Variants in RFX8 observed in about 807,000 individuals in gnomAD.
RFX8 encodes the protein DNA-binding protein RFX8.
In RFX8, 46 loss-of-function variants were observed where a neutral mutation model predicts 54.6. The ratio of observed to expected loss-of-function variants is 0.84; its 90% CI spans 0.67 to 1.08. The LOEUF (loss-of-function observed/expected upper bound fraction) is 1.08. RFX8 is among the 50% of genes least tolerant of loss of function. The pLI is 0.00. For synonymous variants in RFX8, 192 were observed against 209.5 expected (o/e 0.92, Z 0.72); for missense variants, 536 against 562.3 (o/e 0.95, Z 0.47).
chr2:101,407,876 C>T (rs562647444), intron 9 of RFX8, among the ~76,000 whole-genome samples: 2 of 152,288 alleles, frequency 1.3e-5, no homozygotes, highest in East Asian at 1.9e-4. Context: ...CTCCAGGGCC[C>T]GAACTGCCCT....
intron 2 of RFX8, among the ~76,000 whole-genome samples, chr2:101,455,574 T>C (rs994938210): frequency 3.8e-4 from 58 of 152,342 alleles, no homozygotes; most frequent in Non-Finnish European, 7.5e-4. Flanking sequence ...CATTGGTCTA[T>C]ATCTCTGTTT....
At chr2:101,466,958 A>G in intron 1 of RFX8, 58 bp from the exon 2 acceptor site, 1 of 751,056 alleles carries the variant, frequency 1.3e-6, no homozygotes, top group South Asian at 1.5e-5. Context: ...AGAGCAAAAT[A>G]TTTTGACAAA....
chr2:101,410,893 C>CG (rs1305793789), intron 8 of RFX8, among the ~76,000 whole-genome samples, 180 bp from the exon 9 acceptor site: 2 of 152,198 alleles, frequency 1.3e-5, no homozygotes, highest in Non-Finnish European at 2.9e-5. Context: ...GTCACTTCTG[C>CG]GGTCATCTAT....
rs184526158 is a variant in RFX8 at position 101,400,830 on chromosome 2, C to T, written c.1245+1606G>A. ...GAATGCTCCAGAGTACACTCAGGCGCTTTCCACTGGTGGCCCTTGGAGGGC... is the reference window on the plus strand; with the variant it reads ...GAATGCTCCAGAGTACACTCAGGCGTTTTCCACTGGTGGCCCTTGGAGGGC... On this transcript the variant is annotated intron_variant, in intron 11 of 11. Coordinates refer to ENST00000428343, the MANE Select transcript of RFX8 (RefSeq NM_001145664.2). 6.8e-4 allele frequency among the ~76,000 whole-genome samples: 104 copies of T among 152,304 alleles called. 1 individual carries two copies. The highest frequency in any genetic ancestry group is 2.3e-3 in the African/African-American group (97 of 41,564).
chr2:101,427,249 C>A (rs1016610757), intron 2 of RFX8, among the ~76,000 whole-genome samples: 1 of 152,144 alleles, frequency 6.6e-6, no homozygotes, highest in Non-Finnish European at 1.5e-5. Flanking sequence ...GGCAAAGGGA[C>A]CTTGCAGATG....
At chr2:101,411,497 C>T (rs370869950) in intron 8 of RFX8, among the ~76,000 whole-genome samples, 6 of 10,462 alleles carry the variant, frequency 5.7e-4, no homozygotes, top group African/African-American at 9.5e-4. Flanking sequence ...AGGCACCGGG[C>T]GGGGGAGGGG....
chr2:101,402,504 G>C lies in RFX8; in HGVS notation c.1177C>G (p.Pro393Ala). Reference protein sequence around the residue: ...MPTHMGQGRYPVGVSNMVLRI... With the variant: ...MPTHMGQGRYAVGVSNMVLRI... ...AGGACCATGTTGCTCACACCCACGG[G>C]ATATCGGCCCTGGCCCATGTGTGTG... is the stretch of plus-strand genomic sequence containing the variant. The change falls in exon 11 of 12, where the codon CCC becomes GCC. Residue 393 changes from proline (P) to alanine (A), a missense_variant. Transcript: ENST00000428343. 1.3e-6 allele frequency: 2 copies of C among 1,551,794 alleles called. No individual in the cohort carries two copies. Among genetic ancestry groups the C allele is most frequent in the Non-Finnish European group, 1.7e-6 (2 of 1,147,026 alleles).
intron 2 of RFX8, among the ~76,000 whole-genome samples, chr2:101,464,131 A>C (rs1689437589): frequency 1.3e-5 from 2 of 152,204 alleles, no homozygotes; most frequent in African/African-American, 4.8e-5. Flanking sequence ...TGCCGGTCCC[A>C]TATGTGTGCA....
chr2:101,437,138 C>T (rs1238284425), intron 2 of RFX8, among the ~76,000 whole-genome samples: 1 of 152,146 alleles, frequency 6.6e-6, no homozygotes, highest in African/African-American at 2.4e-5. Flanking sequence ...GATTTACATG[C>T]AGTTGTAAGA....
rs1421758553 is a variant in RFX8, at chr2:101,422,940, G to A, written c.73-468C>T. Among the ~76,000 whole-genome samples the A allele has an allele frequency of 3.9e-5, 6 of 152,298 alleles. No homozygotes were observed. The East Asian group carries it at 1.2e-3, about 29-fold the overall frequency. ...GGGCCATTGCCAACAAGGAAAATGA[G>A]GAGCATGGACTTTCCTTTAGAAGAA... On this transcript the variant is annotated intron_variant, in intron 2 of 11. Transcript: ENST00000428343.
intron 2 of RFX8, among the ~76,000 whole-genome samples, chr2:101,441,382 A>C (rs1362687319): frequency 6.6e-6 from 1 of 152,152 alleles, no homozygotes; most frequent in Non-Finnish European, 1.5e-5. Context: ...TTCATGGATT[A>C]ATGGGTTATC....
chr2:101,461,433 C>T (rs1343416870), intron 2 of RFX8, among the ~76,000 whole-genome samples: 2 of 152,084 alleles, frequency 1.3e-5, no homozygotes, highest in Non-Finnish European at 2.9e-5. Flanking sequence ...CATTGAAAAG[C>T]CTTCCTATAT....
At position 101,466,792 on chromosome 2, in the gene RFX8, C is replaced by G. The variant is rs183254040; in HGVS notation, c.57G>C (p.Pro19=). The G allele has an allele frequency of 1.7e-4, 268 of 1,551,234 alleles. 3 individuals carry two copies. In the African/African-American group the frequency reaches 3.2e-3, roughly 19 times the overall value. Residue 19 remains proline (P), a synonymous_variant, in exon 2 of 12, where the codon CCG becomes CCC. Coordinates refer to ENST00000428343, the MANE Select transcript of RFX8 (RefSeq NM_001145664.2). The part of the protein sequence containing the change: ...CGQNTENQVN[P]ATFGKCEDHS... Reference sequence around the variant, plus strand: ...AACAACTTACCTTCCCAAAGGTGGCCGGGTTGACTTGGTTCTCAGTGTTTT... The same window carrying G: ...AACAACTTACCTTCCCAAAGGTGGCGGGGTTGACTTGGTTCTCAGTGTTTT...
At chr2:101,452,246 A>C in intron 2 of RFX8, 1 of 471,966 alleles carries the variant, frequency 2.1e-6, no homozygotes, top group Non-Finnish European at 3.7e-6. Context: ...GGCACTGGGA[A>C]TTAATGCGAA....
At chr2:101,434,220 A>G (rs1385043045) in intron 2 of RFX8, among the ~76,000 whole-genome samples, 2 of 152,206 alleles carry the variant, frequency 1.3e-5, no homozygotes, top group Non-Finnish European at 2.9e-5. Context: ...AGATGGAATC[A>G]CATGTGTGAC....
chr2:101,470,709 CTTTTTTTTTTTTTTTT>C (rs537834632), intron 1 of RFX8, among the ~76,000 whole-genome samples: 2 of 105,552 alleles, frequency 1.9e-5, no homozygotes, highest in African/African-American at 7.9e-5. Flanking sequence ...TCTGAGTACT[CTTTTTTTTTTTTTTTT>C]TTTTTTTTTT....
rs1216471851 is a variant in RFX8, at chr2:101,398,094, G to A, written c.1246-370C>T. 2.6e-5 allele frequency among the ~76,000 whole-genome samples: 4 copies of A among 152,136 alleles called. No homozygotes were observed. The East Asian group carries it at 5.8e-4, about 22-fold the overall frequency. ...GCTGGTTTCGAACTCCTGACCTCAG[G>A]TGATCCACCTGCCTCAGCCTCCCAA... On this transcript the variant is annotated intron_variant, in intron 11 of 11. Coordinates refer to ENST00000428343, the MANE Select transcript of RFX8 (RefSeq NM_001145664.2).
At chr2:101,460,933 G>A (rs1054006207) in intron 2 of RFX8, among the ~76,000 whole-genome samples, 17 of 151,736 alleles carry the variant, frequency 1.1e-4, no homozygotes, top group Admixed American at 1.1e-3. Flanking sequence ...TCCAAATGCA[G>A]AGGGTCTTTC....
intron 6 of RFX8, among the ~76,000 whole-genome samples, chr2:101,415,826 A>C (rs1686466118): frequency 6.6e-6 from 1 of 152,238 alleles, no homozygotes; most frequent in Non-Finnish European, 1.5e-5. Flanking sequence ...AGCACAAGGA[A>C]GAAAGGGAGG....
Sources: gnomAD v4.1 joint callset for allele counts (sites outside exome capture counted in the v4.1 genomes callset) on GRCh38, gnomAD v4.1.1 for gene constraint, MANE v1.5 for transcripts, NCBI Gene and HGNC (gene_info 2026-07-23, HGNC 2026-07-21) for gene names.